The following RAF1 variants were observed in gnomAD, a reference collection of about 807,000 sequenced individuals.
The protein encoded by RAF1 is Raf-1 proto-oncogene, serine/threonine kinase, also known as RAF proto-oncogene serine/threonine-protein kinase.
RAF1 carries 27 observed loss-of-function variants against 81.1 expected under a neutral mutation model. That is an observed-to-expected ratio of 0.33 (90% CI 0.25 to 0.46). RAF1 has a LOEUF of 0.46. Ranked by LOEUF, RAF1 falls within the 20% of genes least tolerant of loss-of-function variation. The probability of loss-of-function intolerance (pLI) is 1.00; values close to 1 mark genes in which losing one functional copy is unlikely to be tolerated. For synonymous variants in RAF1, 298 were observed against 294.0 expected (o/e 1.01, Z -0.14); for missense variants, 598 against 826.0 (o/e 0.72, Z 3.38).
At chr3:12,652,719 G>A (rs1219158334) in intron 1 of RAF1, among the ~76,000 whole-genome samples, 2 of 151,760 alleles carry the variant, frequency 1.3e-5, no homozygotes, top group South Asian at 2.1e-4. Context: ...AGGCAGAGGC[G>A]GGTGGATCAC....
intron 11 of RAF1, among the ~76,000 whole-genome samples, chr3:12,597,866 C>G (rs1387176687): frequency 6.6e-6 from 1 of 151,506 alleles, no homozygotes. Flanking sequence ...CTGCAGTAAG[C>G]CAAGATTGTG....
Position 12,608,912 on chromosome 3 carries a change from C to A in RAF1, c.435G>T (p.Thr145=), listed in dbSNP as rs371565419. Residue 145 remains threonine, a synonymous_variant, in exon 5 of 18, where the codon ACG becomes ACT. Transcript: ENST00000442415. Reference sequence around the variant, plus strand: ...TGTCACAGAAGGCAAGCTTCAGGAACGTCTTCCGAGCCTACAACAAGAACA... The same window carrying A: ...TGTCACAGAAGGCAAGCTTCAGGAAAGTCTTCCGAGCCTACAACAAGAACA... The A allele has an allele frequency of 1.9e-6, 3 of 1,614,096 alleles. No homozygotes were observed. In the East Asian group the frequency reaches 6.7e-5, roughly 36 times the overall value.
At chr3:12,662,823 G>A (rs1255244553) in intron 1 of RAF1, among the ~76,000 whole-genome samples, 2 of 152,042 alleles carry the variant, frequency 1.3e-5, no homozygotes, top group Admixed American at 1.3e-4. Flanking sequence ...CATAACACTT[G>A]ATAAGCCAAT....
In RAF1 at chr3:12,662,338, TAAAAAAAAAAAAAA is replaced by T. The variant is rs61275660; in HGVS notation, c.-27+1461_-27+1474del. Among the ~76,000 whole-genome samples, 669 of 100,906 alleles carry T rather than the reference TAAAAAAAAAAAAAA, an allele frequency of 6.6e-3. 5 individuals carry two copies. The highest frequency in any genetic ancestry group is 0.024 in the African/African-American group (593 of 25,130). The allele number at this position is 100,906 out of a possible 152,430, so 66.2% of individuals were successfully genotyped here. ...GCGACAGAGTGAGATCCTGTTCCTT[TAAAAAAAAAAAAAA>T]AAAAAAAAAAAAAAAAAAAAGTTTG... On this transcript the variant is annotated intron_variant, in intron 1 of 17. Transcript: ENST00000442415.
intron 1 of RAF1, among the ~76,000 whole-genome samples, chr3:12,662,137 C>T (rs1162797980): frequency 6.6e-6 from 1 of 151,404 alleles, no homozygotes; most frequent in Non-Finnish European, 1.5e-5. Context: ...GAGTTTGAGA[C>T]CAGCCTAGGC....
At chr3:12,605,250 ATGTGTGTG>A (rs139616156) in intron 6 of RAF1, among the ~76,000 whole-genome samples, 15 of 144,634 alleles carry the variant, frequency 1.0e-4, no homozygotes, top group Admixed American at 2.8e-4. Context: ...ATTACACATT[ATGTGTGTG>A]TGTGTGTGTG....
intron 1 of RAF1, among the ~76,000 whole-genome samples, chr3:12,657,691 A>G (rs1301525910): frequency 6.6e-6 from 1 of 151,960 alleles, no homozygotes; most frequent in East Asian, 1.9e-4. Context: ...GAATCGCTTG[A>G]ACCCAAGGCA....
intron 1 of RAF1, among the ~76,000 whole-genome samples, chr3:12,662,509 T>C (rs1444308273): frequency 6.6e-6 from 1 of 151,912 alleles, no homozygotes; most frequent in African/African-American, 2.4e-5. Context: ...CGGCAACCCA[T>C]GTACAATAAT....
At chr3:12,633,711 G>A (rs1221466754) in intron 1 of RAF1, among the ~76,000 whole-genome samples, 1 of 151,276 alleles carries the variant, frequency 6.6e-6, no homozygotes, top group Non-Finnish European at 1.5e-5. Context: ...CGAGGCGGGC[G>A]GATCATGAGG....
At position 12,662,891 on chromosome 3, in the gene RAF1, C is replaced by CACTCA. The variant is rs1269422005; in HGVS notation, c.-27+917_-27+921dup. ...GAGCGCAGGGAGGGCAGAGTCTCTC[C>CACTCA]ACTCAGCCCACAGAGGACCAGGCAA... is the stretch of plus-strand genomic sequence containing the variant. On this transcript the variant is annotated intron_variant, in intron 1 of 17. Coordinates refer to ENST00000442415, the MANE Select transcript of RAF1 (RefSeq NM_001354689.3). 3.9e-4 allele frequency among the ~76,000 whole-genome samples: 60 copies of CACTCA among 152,170 alleles called. 1 individual carries two copies. The highest frequency in any genetic ancestry group is 1.4e-3 in the African/African-American group (60 of 41,510).
intron 13 of RAF1, chr3:12,590,240 G>A (rs988013786): frequency 6.1e-6 from 1 of 164,092 alleles, no homozygotes; most frequent in African/African-American, 2.4e-5. Context: ...TATATTCTCA[G>A]GTTTCTGATA....
chr3:12,648,515 G>C lies in RAF1; in HGVS notation c.-27+15298C>G, dbSNP rs149120842. On this transcript the variant is annotated intron_variant, in intron 1 of 17. Coordinates refer to ENST00000442415, the MANE Select transcript of RAF1 (RefSeq NM_001354689.3). The stretch of plus-strand genomic sequence containing the variant: ...TTCTACACACTGGCATCACTCATTT[G>C]GCAGAGGAGATGTGTCCTCAAGAGA... 2.9e-3 allele frequency among the ~76,000 whole-genome samples: 434 copies of C among 152,258 alleles called. 3 individuals carry two copies. The highest frequency in any genetic ancestry group is 0.01 in the African/African-American group (422 of 41,540).
chr3:12,604,177 T>C lies in RAF1; in HGVS notation c.793A>G (p.Met265Val), dbSNP rs533494009. ...TCCACAGGCAGGGTGGTGCTGACCA[T>C]GTGGACATTAGGTGTGGATGTCGAC... The change falls in exon 7 of 18, where the codon ATG (methionine) becomes GTG (valine). Residue 265 changes from methionine (M) to valine (V), a missense_variant. By Grantham distance (21) the Met-to-Val change is conservative. Coordinates refer to ENST00000442415, the MANE Select transcript of RAF1 (RefSeq NM_001354689.3). 21 of 1,614,154 alleles carry C rather than the reference T, an allele frequency of 1.3e-5. 1 individual carries two copies. In the South Asian group the frequency reaches 1.3e-4, roughly 10 times the overall value.
chr3:12,584,423 T>A lies in RAF1; in HGVS notation c.*91A>T, dbSNP rs908527722. 6.5e-7 allele frequency: 1 copy of A among 1,529,904 alleles called. No individual in the cohort carries two copies. The highest frequency in any genetic ancestry group is 1.1e-5 in the South Asian group (1 of 88,272). The allele number at this position is 1,529,904 out of a possible 1,614,324, so 94.8% of individuals were successfully genotyped here. A position where few individuals can be genotyped will look rare whatever the true frequency, so the allele number is the denominator to read the frequency against. On this transcript the variant is annotated 3_prime_UTR_variant, in exon 18 of 18. Transcript: ENST00000442415. ...CTTAGCAGCAGCTTCTCTGAAAACA[T>A]GTGTTCTGCCTCTGGAGAAAGGGAG...
At chr3:12,646,447 T>A (rs2060351424) in intron 1 of RAF1, among the ~76,000 whole-genome samples, 1 of 152,142 alleles carries the variant, frequency 6.6e-6, no homozygotes, top group Non-Finnish European at 1.5e-5. Context: ...CGATCTCAGC[T>A]CACTGCAACC....
chr3:12,655,143 C>G (rs904827468), intron 1 of RAF1, among the ~76,000 whole-genome samples: 1 of 152,130 alleles, frequency 6.6e-6, no homozygotes, highest in Non-Finnish European at 1.5e-5. Flanking sequence ...AGTGCAATGG[C>G]GCAATCTCAG....
Position 12,583,779 on chromosome 3 carries a change from G to GTTTGTT in RAF1, c.*729_*734dup, listed in dbSNP as rs2058219935. On this transcript the variant is annotated 3_prime_UTR_variant, in exon 18 of 18. Transcript: ENST00000442415. ...GAGAAACAAGGCTGTTTGTTTGTTT[G>GTTTGTT]TTTGTTAGAGAAACAAGGCTGGCCC... The GTTTGTT allele has an allele frequency of 4.3e-6, 1 of 233,482 alleles. No homozygotes were observed. The highest frequency in any genetic ancestry group is 8.5e-6 in the Non-Finnish European group (1 of 118,156). 14.5% of individuals were successfully genotyped at this position (233,482 alleles called of 1,614,324 possible). A position where few individuals can be genotyped will look rare whatever the true frequency, so the allele number is the denominator to read the frequency against.
intron 2 of RAF1, among the ~76,000 whole-genome samples, chr3:12,615,496 G>A (rs2059344845): frequency 6.6e-6 from 1 of 152,242 alleles, no homozygotes; most frequent in Admixed American, 6.5e-5. Flanking sequence ...AAGCAACCTG[G>A]GGAGGAGTAA....
chr3:12,611,825 T>C, intron 3 of RAF1, 125 bp downstream of exon 3: 1 of 759,168 alleles, frequency 1.3e-6, no homozygotes, highest in Admixed American at 2.1e-5. Flanking sequence ...TATCTCTTTA[T>C]AAAGAAAGGT....
Sources: allele counts gnomAD v4.1 joint callset (sites outside exome capture counted in the v4.1 genomes callset), GRCh38; gene constraint gnomAD v4.1.1; transcripts MANE v1.5; gene names NCBI Gene and HGNC (gene_info 2026-07-23, HGNC 2026-07-21).